Variants in LYPD1 observed in about 807,000 individuals in gnomAD.
LYPD1 encodes ly6/PLAUR domain-containing protein 1.
Under a neutral mutation model 14.2 loss-of-function variants are expected in LYPD1, and 14 were observed. The observed-to-expected ratio is 0.99, with a 90% CI of 0.65 to 1.54. LYPD1 has a LOEUF of 1.54. Among genes scored for constraint, LYPD1 ranks in the 40% most tolerant of loss-of-function variants. The pLI, the probability that LYPD1 is intolerant of heterozygous loss-of-function variation, is 0.00. For synonymous variants in LYPD1, 85 were observed against 70.6 expected (o/e 1.20, Z -1.02); for missense variants, 165 against 175.7 (o/e 0.94, Z 0.34).
upstream of LYPD1, chr2:132,671,437 T>A (rs1683731452): frequency 6.6e-6 from 1 of 152,310 alleles, no homozygotes; most frequent in South Asian, 2.1e-4. Flanking sequence ...ACGCTGATCA[T>A]TTATTTCTGC....
At chr2:132,661,453 CA>C (rs1317347362) in intron 2 of LYPD1, among the ~76,000 whole-genome samples, 4 of 132,640 alleles carry the variant, frequency 3.0e-5, no homozygotes, top group African/African-American at 1.8e-4. Context: ...CATCCCATTC[CA>C]TTCTCATTCT....
intron 2 of LYPD1, among the ~76,000 whole-genome samples, chr2:132,650,418 G>A (rs1052395053): frequency 3.3e-5 from 5 of 152,138 alleles, no homozygotes; most frequent in African/African-American, 1.2e-4. Flanking sequence ...TATCAACATT[G>A]CAAATGCATG....
intron 2 of LYPD1, among the ~76,000 whole-genome samples, chr2:132,658,956 G>A (rs1310416514): frequency 4.9e-5 from 1 of 20,288 alleles, no homozygotes; most frequent in Admixed American, 4.5e-4. Context: ...TTGTAGAGGT[G>A]TGTGTGTGTG....
chr2:132,649,383 G>T (rs774923494), intron 2 of LYPD1, among the ~76,000 whole-genome samples: 13 of 152,124 alleles, frequency 8.5e-5, no homozygotes, highest in Non-Finnish European at 1.6e-4. Flanking sequence ...TTTGGAGTCT[G>T]CAAAGAAGTG....
In LYPD1 at chr2:132,669,982, A is replaced by G; in HGVS notation, c.-50T>C. The G allele has an allele frequency of 6.2e-7, 1 of 1,601,142 alleles. No individual in the cohort carries two copies. Among genetic ancestry groups the G allele is most frequent in the Non-Finnish European group, 8.5e-7 (1 of 1,176,578 alleles). ...GAGGGCAAGCGCATCAGAGGAGGCG[A>G]CAGCAGCGGAGGCTGCCCCGGCTGC... is the stretch of plus-strand genomic sequence containing the variant. On this transcript the variant is annotated 5_prime_UTR_variant, in exon 1 of 3. Transcript: ENST00000397463. This position sits in a 1 kb window ranked among gnomAD's most constrained non-coding sequence, Gnocchi z 4.3.
intron 1 of LYPD1, 72 bp from the exon 2 acceptor site, chr2:132,668,609 C>T (rs1462163439): frequency 3.2e-6 from 5 of 1,575,198 alleles, no homozygotes; most frequent in Non-Finnish European, 4.3e-6. Flanking sequence ...GACCATCCCA[C>T]GCCTCAGAGC....
intron 2 of LYPD1, among the ~76,000 whole-genome samples, chr2:132,655,664 G>A (rs1682549111): frequency 6.6e-6 from 1 of 151,864 alleles, no homozygotes; most frequent in Non-Finnish European, 1.5e-5. Context: ...ACAGGTGCCT[G>A]CCACCATGCC....
intron 2 of LYPD1, among the ~76,000 whole-genome samples, chr2:132,647,673 G>T (rs562132917): frequency 6.6e-6 from 1 of 151,466 alleles, no homozygotes; most frequent in Admixed American, 6.6e-5. Flanking sequence ...TTTTTGGATA[G>T]ATGATAGTGT....
At chr2:132,667,126 C>A (rs1440171387) in intron 2 of LYPD1, 1 of 152,132 alleles carries the variant, frequency 6.6e-6, no homozygotes, top group Admixed American at 6.5e-5. Flanking sequence ...AGAATTATCG[C>A]CAAGTTTGTT....
chr2:132,665,336 C>T (rs1276770354), intron 2 of LYPD1, among the ~76,000 whole-genome samples: 5 of 152,148 alleles, frequency 3.3e-5, no homozygotes, highest in Non-Finnish European at 7.4e-5. Flanking sequence ...ATTAAATTTT[C>T]TTAGTCGATT....
chr2:132,669,846 C>T lies in LYPD1; in HGVS notation c.52+35G>A. On this transcript the variant is annotated intron_variant, in intron 1 of 2. Coordinates refer to ENST00000397463, the MANE Select transcript of LYPD1 (RefSeq NM_144586.7). This position sits in a 1 kb window ranked among gnomAD's most constrained non-coding sequence, Gnocchi z 4.3. ...CTGGCGGGTAGATGGATTGTGCGCA[C>T]CTGGCCTCGGCTGCTGGCCTCTGGG... The T allele has an allele frequency of 1.2e-6, 2 of 1,610,306 alleles. No individual in the cohort carries two copies. Among genetic ancestry groups the T allele is most frequent in the Admixed American group, 1.7e-5 (1 of 59,810 alleles).
chr2:132,670,081 C>A lies in LYPD1; in HGVS notation c.-149G>T. 6.7e-7 allele frequency: 1 copy of A among 1,481,962 alleles called. No individual in the cohort carries two copies. Among genetic ancestry groups the A allele is most frequent in the Non-Finnish European group, 8.9e-7 (1 of 1,124,168 alleles). 91.8% of individuals were successfully genotyped at this position (1,481,962 alleles called of 1,614,324 possible). On this transcript the variant is annotated 5_prime_UTR_variant, in exon 1 of 3. Coordinates refer to ENST00000397463, the MANE Select transcript of LYPD1 (RefSeq NM_144586.7). This position sits in a 1 kb window ranked among gnomAD's most constrained non-coding sequence, Gnocchi z 4.5. ...GACGACGGTCGTAGCTTAGAGGAGC[C>A]GCAGGTGCCGCTCGCGGAGCCTGCA...
intron 2 of LYPD1, among the ~76,000 whole-genome samples, chr2:132,659,344 G>A (rs1266186623): frequency 2.0e-5 from 3 of 152,128 alleles, no homozygotes; most frequent in Admixed American, 6.5e-5. Context: ...GGGAAGGTGA[G>A]GTAGAGAGAG....
At chr2:132,654,726 C>T (rs1415170805) in intron 2 of LYPD1, among the ~76,000 whole-genome samples, 4 of 147,508 alleles carry the variant, frequency 2.7e-5, no homozygotes, top group African/African-American at 7.5e-5. Flanking sequence ...TAGTGTGACT[C>T]CTGGCCTCTT....
At position 132,645,698 on chromosome 2, in the gene LYPD1, A is replaced by G; in HGVS notation, c.*347T>C. ...TGCAGTCTCAAACTATGCCCCCATC[A>G]GGGATGGAATGGACACTGGAGGCTT... On this transcript the variant is annotated 3_prime_UTR_variant, in exon 3 of 3. Transcript: ENST00000397463. The G allele has an allele frequency of 1.3e-6, 2 of 1,496,554 alleles. No homozygotes were observed. The highest frequency in any genetic ancestry group is 4.3e-5 in the Admixed American group (2 of 46,264). 92.7% of individuals were successfully genotyped at this position (1,496,554 alleles called of 1,614,324 possible). A position where few individuals can be genotyped will look rare whatever the true frequency, so the allele number is the denominator to read the frequency against.
chr2:132,668,055 G>C (rs1252748708), intron 2 of LYPD1, among the ~76,000 whole-genome samples: 2 of 152,152 alleles, frequency 1.3e-5, no homozygotes, highest in African/African-American at 4.8e-5. Flanking sequence ...ATGCTCACAG[G>C]CTACTGTCTA....
At chr2:132,659,100 A>T (rs1219445102) in intron 2 of LYPD1, among the ~76,000 whole-genome samples, 1 of 152,210 alleles carries the variant, frequency 6.6e-6, no homozygotes, top group Non-Finnish European at 1.5e-5. Context: ...TATCACTAAC[A>T]GGCATTAGTC....
chr2:132,649,037 C>T (rs1682255008), intron 2 of LYPD1, among the ~76,000 whole-genome samples: 1 of 152,106 alleles, frequency 6.6e-6, no homozygotes, highest in Admixed American at 6.6e-5. Flanking sequence ...ATGTTTCCAA[C>T]CGGATGAAAG....
At chr2:132,646,548 TAAATAGACTTATTTACATTTTAAGTC>T (rs1682093721) in intron 2 of LYPD1, 1 of 350,172 alleles carries the variant, frequency 2.9e-6, no homozygotes, top group Non-Finnish European at 5.1e-6. Context: ...AAAGAGCTGT[TAAATAGACTTATTTACATTTTAAGTC>T]AGAGTTCACA....
Sources: allele counts gnomAD v4.1 joint callset (sites outside exome capture counted in the v4.1 genomes callset), GRCh38; gene constraint gnomAD v4.1.1; non-coding constraint Gnocchi (gnomAD v3.1); transcripts MANE v1.5; gene names NCBI Gene and HGNC (gene_info 2026-07-23, HGNC 2026-07-21).